Variants in DNAJA4 observed in about 807,000 individuals in gnomAD.
DNAJA4 encodes the protein DnaJ heat shock protein family (Hsp40) member A4.
Under a neutral mutation model 39.7 loss-of-function variants are expected in DNAJA4, and 32 were observed. The observed-to-expected ratio is 0.81, with a 90% CI of 0.61 to 1.08. The LOEUF (loss-of-function observed/expected upper bound fraction) is 1.08. Among genes scored for constraint, DNAJA4 ranks in the 50% least tolerant of loss-of-function variants. The probability of loss-of-function intolerance (pLI) is 0.00; values close to 1 mark genes in which losing one functional copy is unlikely to be tolerated. For synonymous variants in DNAJA4, 184 were observed against 182.4 expected, an observed-to-expected ratio of 1.01 and a Z score of -0.07; for missense variants, 439 against 505.1, an observed-to-expected ratio of 0.87 and a Z score of 1.25.
chr15:78,269,719 C>A (rs1318674153), intron 1 of DNAJA4, among the ~76,000 whole-genome samples: 1 of 151,252 alleles, frequency 6.6e-6, no homozygotes, highest in Admixed American at 6.6e-5. Context: ...TTTTTTTTCT[C>A]CCCTGTGCAG....
At chr15:78,266,262 T>C (rs2049120060) in intron 1 of DNAJA4, 1 of 1,613,904 alleles carries the variant, frequency 6.2e-7, no homozygotes, top group Admixed American at 1.7e-5. Flanking sequence ...AGCCTGACCC[T>C]GGATTCAGGT....
rs1396663524 is a variant in DNAJA4 at position 78,281,170 on chromosome 15, C to CCT, written c.*712_*713dup. On this transcript the variant is annotated 3_prime_UTR_variant, in exon 7 of 7. Coordinates refer to ENST00000394852, the MANE Select transcript of DNAJA4 (RefSeq NM_001130182.2). ...ATGCTGATAACTGTTTGCCTGTGAC[C>CCT]CTCACACCTTGTTCTTCAGGGTTTT... is the stretch of plus-strand genomic sequence containing the variant. 2 of 152,604 alleles carry CCT rather than the reference C, an allele frequency of 1.3e-5. No homozygotes were observed. Among genetic ancestry groups the CCT allele is most frequent in the Non-Finnish European group, 2.9e-5 (2 of 68,040 alleles). The allele number at this position is 152,604 out of a possible 1,614,324, so 9.5% of individuals were successfully genotyped here. A position where few individuals can be genotyped will look rare whatever the true frequency, so the allele number is the denominator to read the frequency against.
chr15:78,279,760 A>G lies in DNAJA4; in HGVS notation c.878-285A>G, dbSNP rs1314913688. The G allele has an allele frequency of 2.1e-6, 1 of 472,952 alleles. No individual in the cohort carries two copies. The highest frequency in any genetic ancestry group is 1.9e-5 in the African/African-American group (1 of 51,490). 29.3% of individuals were successfully genotyped at this position (472,952 alleles called of 1,614,324 possible). A position where few individuals can be genotyped will look rare whatever the true frequency, so the allele number is the denominator to read the frequency against. On this transcript the variant is annotated intron_variant, in intron 5 of 6. Transcript: ENST00000394852. This position sits in a 1 kb window ranked among gnomAD's most constrained non-coding sequence, Gnocchi z 4.5. ...GGCAGACTTGGGTGTCATGACTTCT[A>G]GTTCACTTGTTTTAAACCTACCTGT...
chr15:78,266,030 T>C, intron 1 of DNAJA4: 1 of 589,940 alleles, frequency 1.7e-6, no homozygotes, highest in Non-Finnish European at 3.0e-6. Context: ...TTTAAAATGC[T>C]TTCCTGTAAG....
At position 78,264,760 on chromosome 15, in the gene DNAJA4, C is replaced by G. The variant is rs1462662346; in HGVS notation, c.-4C>G. 4 of 1,588,540 alleles carry G rather than the reference C, an allele frequency of 2.5e-6. No individual in the cohort carries two copies. Among genetic ancestry groups the G allele is most frequent in the Non-Finnish European group, 3.4e-6 (4 of 1,166,584 alleles). On this transcript the variant is annotated 5_prime_UTR_variant, in exon 1 of 7. Coordinates refer to ENST00000394852, the MANE Select transcript of DNAJA4 (RefSeq NM_001130182.2). ...GCCTCGCCCGCCCCCCCCGCAGACA[C>G]AAGATGGTGAAGGAGACCCAGTACT... is the stretch of plus-strand genomic sequence containing the variant.
At chr15:78,267,210 G>A (rs1258018575) in intron 1 of DNAJA4, among the ~76,000 whole-genome samples, 2 of 151,878 alleles carry the variant, frequency 1.3e-5, no homozygotes, top group African/African-American at 4.8e-5. Flanking sequence ...ATGTGAGTGT[G>A]TATGTGTGTG....
rs74520958 is a variant in DNAJA4, at chr15:78,266,832, G to A, written c.132+1937G>A. On this transcript the variant is annotated intron_variant, in intron 1 of 6. Transcript: ENST00000394852. ...GGTGAGTATCTAGCTGTGCAGGGTA[G>A]GTGCTAAAATGTTTGTTAGCTGGCT... 7.0e-3 allele frequency among the ~76,000 whole-genome samples: 1,063 copies of A among 152,310 alleles called. 18 individuals are homozygous for A. Among genetic ancestry groups the A allele is most frequent in the African/African-American group, 0.024 (995 of 41,566 alleles).
intron 4 of DNAJA4, chr15:78,274,887 T>A (rs1232903999): frequency 5.4e-6 from 1 of 186,418 alleles, no homozygotes; most frequent in African/African-American, 2.4e-5. Context: ...ATACAGCACC[T>A]TCTCCTGCTA....
At chr15:78,266,359 T>TA in intron 1 of DNAJA4, 2 of 1,472,616 alleles carry the variant, frequency 1.4e-6, no homozygotes, top group South Asian at 1.2e-5. Context: ...CTTTTATTTT[T>TA]AAAAAATTAG....
rs546335398 is a variant in DNAJA4 at position 78,274,486 on chromosome 15, G to T, written c.646+62G>T. The T allele has an allele frequency of 1.4e-4, 203 of 1,416,186 alleles. No individual in the cohort carries two copies. The South Asian group carries it at 2.1e-3, about 14-fold the overall frequency. 87.7% of individuals were successfully genotyped at this position (1,416,186 alleles called of 1,614,324 possible). A position where few individuals can be genotyped will look rare whatever the true frequency, so the allele number is the denominator to read the frequency against. ...GAAATGCTGTCTGGGTGCTAATCGT[G>T]AGATACACAGACTAGATGTCAGGGA... On this transcript the variant is annotated intron_variant, in intron 4 of 6. Coordinates refer to ENST00000394852, the MANE Select transcript of DNAJA4 (RefSeq NM_001130182.2).
In DNAJA4 at chr15:78,281,018, A is replaced by G. The variant is rs528915589; in HGVS notation, c.*558A>G. 1.3e-5 allele frequency: 2 copies of G among 155,210 alleles called. No homozygotes were observed. Among genetic ancestry groups the G allele is most frequent in the South Asian group, 2.0e-4 (1 of 4,956 alleles). The allele number at this position is 155,210 out of a possible 1,614,324, so 9.6% of individuals were successfully genotyped here. A position where few individuals can be genotyped will look rare whatever the true frequency, so the allele number is the denominator to read the frequency against. On this transcript the variant is annotated 3_prime_UTR_variant, in exon 7 of 7. Transcript: ENST00000394852. ...ACATGGCTGCATGTGCCTGCTTAAC[A>G]GGGCCAACTTAGTTCCTACTGTTCT...
chr15:78,278,506 C>T (rs1391917632), intron 5 of DNAJA4, among the ~76,000 whole-genome samples: 2 of 152,198 alleles, frequency 1.3e-5, no homozygotes, highest in African/African-American at 4.8e-5. Flanking sequence ...CAGCAGGTTG[C>T]TGTACTGAAT....
chr15:78,267,354 G>C (rs2049169262), intron 1 of DNAJA4, among the ~76,000 whole-genome samples: 1 of 152,268 alleles, frequency 6.6e-6, no homozygotes, highest in South Asian at 2.1e-4. Flanking sequence ...AACTGAGAAG[G>C]CCGTTGAAAT....
intron 5 of DNAJA4, 55 bp downstream of exon 5, chr15:78,275,783 C>T (rs2049439732): frequency 1.2e-5 from 16 of 1,321,462 alleles, no homozygotes; most frequent in Non-Finnish European, 2.1e-6. Flanking sequence ...CATAATAATT[C>T]TGGCAAGTTA....
At chr15:78,273,896 A>G (rs1401806612) in intron 3 of DNAJA4, among the ~76,000 whole-genome samples, 1 of 152,150 alleles carries the variant, frequency 6.6e-6, no homozygotes, top group Non-Finnish European at 1.5e-5. Flanking sequence ...CTCCTCATTC[A>G]TCTGTGGGCC....
intron 2 of DNAJA4, among the ~76,000 whole-genome samples, chr15:78,272,431 C>T (rs2049327087): frequency 6.6e-6 from 1 of 152,220 alleles, no homozygotes; most frequent in Non-Finnish European, 1.5e-5. Context: ...ATTAAGTCAT[C>T]TCTCAAAGTT....
Position 78,280,507 on chromosome 15 carries a change from G to A in DNAJA4, c.*47G>A. 6.7e-7 allele frequency: 1 copy of A among 1,489,736 alleles called. No individual in the cohort carries two copies. Among genetic ancestry groups the A allele is most frequent in the South Asian group, 1.2e-5 (1 of 82,214 alleles). The allele number at this position is 1,489,736 out of a possible 1,614,324, so 92.3% of individuals were successfully genotyped here. A position where few individuals can be genotyped will look rare whatever the true frequency, so the allele number is the denominator to read the frequency against. On this transcript the variant is annotated 3_prime_UTR_variant, in exon 7 of 7. Transcript: ENST00000394852. Reference sequence around the variant, plus strand: ...CCCACCGGACTAGCACATGATGAATGTAAAGTTGGCACAATGAAAATGACA... The same window carrying A: ...CCCACCGGACTAGCACATGATGAATATAAAGTTGGCACAATGAAAATGACA...
chr15:78,266,159 T>G, intron 1 of DNAJA4: 1 of 1,488,652 alleles, frequency 6.7e-7, no homozygotes, highest in Non-Finnish European at 9.3e-7. Context: ...GCTCCCTACA[T>G]TCATTGTGGT....
intron 5 of DNAJA4, chr15:78,278,103 T>A: frequency 2.2e-6 from 1 of 455,996 alleles, no homozygotes; most frequent in South Asian, 1.5e-5. Context: ...GAGGATTGGA[T>A]TAATTAAAAA....
Sources: gnomAD v4.1 joint callset for allele counts (sites outside exome capture counted in the v4.1 genomes callset) on GRCh38, gnomAD v4.1.1 for gene constraint, Gnocchi (gnomAD v3.1) non-coding constraint, MANE v1.5 for transcripts, NCBI Gene and HGNC (gene_info 2026-07-23, HGNC 2026-07-21) for gene names.